The following SNUPN variants were observed in gnomAD, a reference collection of about 807,000 sequenced individuals.
The protein encoded by SNUPN is snurportin-1.
A neutral mutation model predicts 39.2 loss-of-function variants in SNUPN; 31 were observed. The observed-to-expected ratio is 0.79, with a 90% CI of 0.59 to 1.07. SNUPN has a LOEUF of 1.07. Ranked by LOEUF, SNUPN falls within the 50% of genes least tolerant of loss-of-function variation. The probability of loss-of-function intolerance (pLI) is 0.00; values close to 1 mark genes in which losing one functional copy is unlikely to be tolerated. For synonymous variants in SNUPN, 132 were observed against 159.0 expected (o/e 0.83, Z 1.28); for missense variants, 382 against 434.2 (o/e 0.88, Z 1.07).
At chr15:75,605,096 C>A in intron 7 of SNUPN, 54 bp downstream of exon 7, 3 of 1,101,776 alleles carry the variant, frequency 2.7e-6, no homozygotes, top group Non-Finnish European at 4.1e-6. Context: ...AGATAACAGA[C>A]CAATCCACAC....
chr15:75,623,121 C>T (rs1202084788), intron 1 of SNUPN, among the ~76,000 whole-genome samples: 2 of 151,666 alleles, frequency 1.3e-5, no homozygotes, highest in African/African-American at 4.9e-5. Context: ...AATAACTGAA[C>T]CTCTGTAACC....
intron 2 of SNUPN, among the ~76,000 whole-genome samples, chr15:75,619,429 C>G (rs1893015128): frequency 6.6e-6 from 1 of 151,900 alleles, no homozygotes; most frequent in African/African-American, 2.4e-5. Context: ...ATCAGTTGAG[C>G]CTAGGAGTTC....
Position 75,599,074 on chromosome 15 carries a change from C to T in SNUPN, c.760-393G>A, listed in dbSNP as rs916249155. ...ATCCCAGCTACTCGGGTGTCTGAGA[C>T]ACGACAACCGCTTGAACCCAGTAGG... On this transcript the variant is annotated intron_variant, in intron 8 of 8. Coordinates refer to ENST00000308588, the MANE Select transcript of SNUPN (RefSeq NM_005701.4). Among the ~76,000 whole-genome samples the T allele has an allele frequency of 1.5e-4, 23 of 151,602 alleles. 1 individual carries two copies. The highest frequency in any genetic ancestry group is 1.3e-3 in the Admixed American group (19 of 15,182).
chr15:75,611,576 G>T (rs1892783537), intron 3 of SNUPN, among the ~76,000 whole-genome samples: 2 of 151,714 alleles, frequency 1.3e-5, no homozygotes, highest in Non-Finnish European at 2.9e-5. Context: ...ACTTTTTGTG[G>T]CCAGGAACGG....
intron 1 of SNUPN, among the ~76,000 whole-genome samples, chr15:75,623,567 C>G (rs973240474): frequency 4.6e-5 from 7 of 151,984 alleles, no homozygotes; most frequent in African/African-American, 1.7e-4. Flanking sequence ...GCCTCAGCCT[C>G]CTGAGTAGCT....
chr15:75,601,116 A>G (rs759558381), intron 8 of SNUPN, 22 bp downstream of exon 8: 8 of 1,560,440 alleles, frequency 5.1e-6, no homozygotes, highest in Non-Finnish European at 7.1e-6. Context: ...TGTCAAGGCA[A>G]TAAAGACAAT....
chr15:75,604,157 CTTT>C (rs34924144), intron 7 of SNUPN, among the ~76,000 whole-genome samples: 6 of 114,936 alleles, frequency 5.2e-5, no homozygotes, highest in Non-Finnish European at 8.6e-5. Context: ...TTCCCTTTAA[CTTT>C]TTTTTTTTTT....
At chr15:75,621,111 A>G in intron 1 of SNUPN, 55 bp from the exon 2 acceptor site, 1 of 1,558,626 alleles carries the variant, frequency 6.4e-7, no homozygotes, top group Non-Finnish European at 8.8e-7. Context: ...TCTCCTGTAT[A>G]CAGACAGTTA....
At chr15:75,614,605 G>A (rs545125247) in intron 3 of SNUPN, among the ~76,000 whole-genome samples, 19 of 152,236 alleles carry the variant, frequency 1.2e-4, no homozygotes, top group Middle Eastern at 3.4e-3. Flanking sequence ...GGGGCTACAG[G>A]GAAGAATGGA....
intron 3 of SNUPN, among the ~76,000 whole-genome samples, chr15:75,615,409 C>T (rs975935986): frequency 4.6e-5 from 7 of 152,096 alleles, no homozygotes; most frequent in Non-Finnish European, 8.8e-5. Context: ...CCGGGCACAC[C>T]ATATACTCCT....
At chr15:75,623,946 G>A (rs77694915) in intron 1 of SNUPN, among the ~76,000 whole-genome samples, 1 of 40,682 alleles carries the variant, frequency 2.5e-5, no homozygotes, top group Non-Finnish European at 5.6e-5. Flanking sequence ...TTTTTTTTTT[G>A]AGACGGAGTC....
At position 75,605,234 on chromosome 15, in the gene SNUPN, C is replaced by G. The variant is rs1352697984; in HGVS notation, c.601-7G>C. ...AGTAGAATCGGAAATCAGTCTGCCACAGAGAAGGGAAACAGAAAGATGAAA... is the reference window on the plus strand; with the variant it reads ...AGTAGAATCGGAAATCAGTCTGCCAGAGAGAAGGGAAACAGAAAGATGAAA... On this transcript the variant is annotated splice_polypyrimidine_tract_variant and splice_region_variant and intron_variant, in intron 6 of 8. Transcript: ENST00000308588. 1.3e-6 allele frequency: 2 copies of G among 1,596,220 alleles called. No individual in the cohort carries two copies. The highest frequency in any genetic ancestry group is 1.7e-6 in the Non-Finnish European group (2 of 1,165,560).
At chr15:75,598,829 C>A in intron 8 of SNUPN, 148 bp from the exon 9 acceptor site, 1 of 563,440 alleles carries the variant, frequency 1.8e-6, no homozygotes, top group Non-Finnish European at 3.0e-6. Context: ...TCACACATGC[C>A]GTTTCTCTAA....
intron 7 of SNUPN, among the ~76,000 whole-genome samples, chr15:75,603,378 T>C (rs2075305972): frequency 6.9e-6 from 1 of 145,582 alleles, no homozygotes; most frequent in Admixed American, 6.8e-5. Flanking sequence ...AGCTCTTCAC[T>C]GGGCCGGGTG....
At chr15:75,604,886 C>T (rs539664910) in intron 7 of SNUPN, among the ~76,000 whole-genome samples, 1 of 152,228 alleles carries the variant, frequency 6.6e-6, no homozygotes, top group Non-Finnish European at 1.5e-5. Context: ...TTACCCTTCC[C>T]CAGAGTTCCC....
intron 3 of SNUPN, among the ~76,000 whole-genome samples, chr15:75,613,411 G>A (rs149210171): frequency 0.16 from 24,758 of 151,422 alleles, 2,714 homozygotes; most frequent in Non-Finnish European, 0.24. Context: ...TTGGGAGGCC[G>A]AGGTGGGCGG....
intron 2 of SNUPN, among the ~76,000 whole-genome samples, chr15:75,618,761 C>T (rs540404096): frequency 6.6e-6 from 1 of 152,008 alleles, no homozygotes; most frequent in South Asian, 2.1e-4. Context: ...AATAAAAGAG[C>T]TGGTATATTT....
chr15:75,602,417 T>A (rs1240312762), intron 7 of SNUPN, among the ~76,000 whole-genome samples: 1 of 151,380 alleles, frequency 6.6e-6, no homozygotes, highest in African/African-American at 2.4e-5. Flanking sequence ...TCCCAGCTAC[T>A]TGGGAGGCTG....
At chr15:75,601,300 C>A in intron 7 of SNUPN, 82 bp from the exon 8 acceptor site, 1 of 970,534 alleles carries the variant, frequency 1.0e-6, no homozygotes, top group Non-Finnish European at 1.6e-6. Context: ...TCAGGCCAGG[C>A]ATAGTGGCTC....
Sources: allele counts gnomAD v4.1 joint callset (sites outside exome capture counted in the v4.1 genomes callset), GRCh38; gene constraint gnomAD v4.1.1; transcripts MANE v1.5; gene names NCBI Gene and HGNC (gene_info 2026-07-23, HGNC 2026-07-21).